ABR: variants seen among roughly 807,000 people sequenced by gnomAD.
The protein encoded by ABR is active breakpoint cluster region-related protein.
Under a neutral mutation model 107.2 loss-of-function variants are expected in ABR, and 35 were observed. That is an observed-to-expected ratio of 0.33 (90% CI 0.25 to 0.43). The LOEUF (loss-of-function observed/expected upper bound fraction) is 0.43. ABR is among the 20% of genes least tolerant of loss of function. ABR has a pLI of 1.00. For synonymous variants in ABR, 498 were observed against 462.0 expected (o/e 1.08, Z -1.00); for missense variants, 815 against 1,115.2 (o/e 0.73, Z 3.83).
At chr17:1,036,655 C>T (rs753032436) in intron 16 of ABR, among the ~76,000 whole-genome samples, 2 of 151,654 alleles carry the variant, frequency 1.3e-5, no homozygotes, top group Non-Finnish European at 1.5e-5. Context: ...CCACACAGGG[C>T]GTGCGAGTTG....
intron 21 of ABR, 104 bp from the exon 22 acceptor site, chr17:1,007,416 A>C: frequency 7.2e-7 from 1 of 1,391,628 alleles, no homozygotes; most frequent in Non-Finnish European, 9.9e-7. Context: ...GACTCCTGGA[A>C]GGGGTCACCT....
Position 1,067,080 on chromosome 17 carries a change from C to T in ABR, c.1179G>A (p.Lys393=), listed in dbSNP as rs1210642097. The T allele has an allele frequency of 2.5e-6, 4 of 1,613,120 alleles. No homozygotes were observed. Among genetic ancestry groups the T allele is most frequent in the Non-Finnish European group, 2.5e-6 (3 of 1,179,596 alleles). ...TCAGATACCAAGCTCTGCTCACCTCCTTCTGGATTTCACTCTTGAGGGCAG... is the reference window on the plus strand; with the variant it reads ...TCAGATACCAAGCTCTGCTCACCTCTTTCTGGATTTCACTCTTGAGGGCAG... ...KISALKSEIQ[K]EKANKGQSRA... is the part of the protein sequence containing the mutation. Residue 393 remains lysine (K), a synonymous_variant, in exon 10 of 23, where the codon AAG becomes AAA. Transcript: ENST00000302538.
chr17:1,012,808 G>A lies in ABR; in HGVS notation c.1852-11C>T, dbSNP rs968739560. 1 of 1,560,584 alleles carries A rather than the reference G, an allele frequency of 6.4e-7. No homozygotes were observed. Among genetic ancestry groups the A allele is most frequent in the South Asian group, 1.2e-5 (1 of 85,344 alleles). On this transcript the variant is annotated splice_polypyrimidine_tract_variant and intron_variant, in intron 17 of 22. Coordinates refer to ENST00000302538, the MANE Select transcript of ABR (RefSeq NM_021962.5). Reference sequence around the variant, plus strand: ...AAATTCCACTTTGATCTGGTTGGGGGGTGAGGCAGGTAAAGATTCCCCAGG... The same window carrying A: ...AAATTCCACTTTGATCTGGTTGGGGAGTGAGGCAGGTAAAGATTCCCCAGG...
chr17:1,087,346 G>A (rs1238973798), intron 4 of ABR, among the ~76,000 whole-genome samples: 1 of 152,130 alleles, frequency 6.6e-6, no homozygotes, highest in Non-Finnish European at 1.5e-5. Context: ...CCGCAGCATC[G>A]GCTGAGCCTG....
At chr17:1,153,192 G>A (rs2040870064) in intron 1 of ABR, among the ~76,000 whole-genome samples, 1 of 152,214 alleles carries the variant, frequency 6.6e-6, no homozygotes, top group Non-Finnish European at 1.5e-5. Flanking sequence ...AGGTGCACTT[G>A]GTCAAATCCC....
chr17:1,091,490 G>A (rs907826767), intron 4 of ABR, among the ~76,000 whole-genome samples, 175 bp downstream of exon 4: 15 of 152,164 alleles, frequency 9.9e-5, no homozygotes, highest in African/African-American at 3.6e-4. Flanking sequence ...TAGAGTCAAG[G>A]CCCCGGCCCC....
rs1414917234 is a variant in ABR at position 1,108,861 on chromosome 17, G to A, written c.247-8126C>T. 4.8e-6 allele frequency: 7 copies of A among 1,472,380 alleles called. No individual in the cohort carries two copies. The African/African-American group carries it at 1.0e-4, about 22-fold the overall frequency. The allele number at this position is 1,472,380 out of a possible 1,614,324, so 91.2% of individuals were successfully genotyped here. A position where few individuals can be genotyped will look rare whatever the true frequency, so the allele number is the denominator to read the frequency against. On this transcript the variant is annotated intron_variant, in intron 2 of 22. Coordinates refer to ENST00000302538, the MANE Select transcript of ABR (RefSeq NM_021962.5). ...GGCCGCGCGCTCTGCGCCCGCATCA[G>A]CCATTTCTCCCGCGCACCTTCGGCA...
chr17:1,109,723 C>T (rs2038543963), intron 2 of ABR, among the ~76,000 whole-genome samples: 1 of 152,106 alleles, frequency 6.6e-6, no homozygotes, highest in African/African-American at 2.4e-5. Flanking sequence ...CCGCGTCCCG[C>T]CGCCGCTGGA....
chr17:1,195,076 G>C (rs552887789), intron 1 of ABR, among the ~76,000 whole-genome samples: 178 of 146,516 alleles, frequency 1.2e-3, no homozygotes, highest in East Asian at 3.4e-3. Flanking sequence ...GGGAGGCCGA[G>C]GCGGGCGGAT....
chr17:1,164,864 C>G (rs1188019159), intron 1 of ABR, among the ~76,000 whole-genome samples: 1 of 152,156 alleles, frequency 6.6e-6, no homozygotes. Flanking sequence ...GACAAGTTCT[C>G]TCTATGTTGC....
chr17:1,217,195 G>A (rs755750293), intron 1 of ABR, among the ~76,000 whole-genome samples: 4 of 152,282 alleles, frequency 2.6e-5, no homozygotes, highest in East Asian at 1.9e-4. Flanking sequence ...GGCTTTCTCC[G>A]TAATAGGACC....
chr17:1,227,335 A>T (rs1466949179), intron 1 of ABR, among the ~76,000 whole-genome samples: 1 of 152,136 alleles, frequency 6.6e-6, no homozygotes, highest in East Asian at 1.9e-4. Context: ...GCCAGCTCTG[A>T]AGCAGCTGGG....
In ABR at chr17:1,193,877, A is replaced by G. The variant is rs375491473; in HGVS notation, c.838+34916T>C. Among the ~76,000 whole-genome samples the G allele has an allele frequency of 3.2e-3, 481 of 150,476 alleles. 2 individuals are homozygous for G. The highest frequency in any genetic ancestry group is 0.011 in the African/African-American group (438 of 40,964). On this transcript the variant is annotated intron_variant, in intron 1 of 22. Coordinates refer to the ABR transcript ENST00000574139. ...AGCTAATTTTTTTTTTGTATTTTTA[A>G]TAGAGACGGGGTTTCACCGTGTTAG...
chr17:1,101,945 G>C (rs34035029), intron 2 of ABR, among the ~76,000 whole-genome samples: 2 of 152,014 alleles, frequency 1.3e-5, no homozygotes, highest in Admixed American at 6.6e-5. Flanking sequence ...GTGTTAGCCA[G>C]GATGGTCTCG....
At chr17:1,116,893 G>A (rs1351378497) in intron 2 of ABR, among the ~76,000 whole-genome samples, 3 of 152,174 alleles carry the variant, frequency 2.0e-5, no homozygotes, top group Non-Finnish European at 4.4e-5. Flanking sequence ...CGGCTGCTGG[G>A]GGGCGGAGGC....
intron 16 of ABR, among the ~76,000 whole-genome samples, chr17:1,029,102 CA>C (rs11477288): frequency 0.69 from 88,004 of 126,798 alleles, 28,429 homozygotes; most frequent in Middle Eastern, 0.74. Flanking sequence ...TGATTTGAGG[CA>C]AAAAAAAAAA....
In ABR at chr17:1,026,358, G is replaced by A. The variant is rs151019609; in HGVS notation, c.1792-13194C>T. 3.5e-3 allele frequency among the ~76,000 whole-genome samples: 534 copies of A among 152,376 alleles called. 23 individuals carry two copies. In the South Asian group the frequency reaches 0.082, roughly 23 times the overall value. ...CGGAGGCCTCCCCGAGCACAGCCACGGCATCCAGGCATCGGATGGGAAGGG... is the reference window on the plus strand; with the variant it reads ...CGGAGGCCTCCCCGAGCACAGCCACAGCATCCAGGCATCGGATGGGAAGGG... On this transcript the variant is annotated intron_variant, in intron 16 of 22. Transcript: ENST00000302538.
upstream of ABR, among the ~76,000 whole-genome samples, chr17:1,182,557 G>T (rs919656356): frequency 6.6e-6 from 1 of 152,070 alleles, no homozygotes; most frequent in Non-Finnish European, 1.5e-5. Context: ...TAGTAGAGAC[G>T]GGGTTTCACC....
chr17:1,143,865 C>T (rs2040418522), intron 1 of ABR, among the ~76,000 whole-genome samples: 1 of 152,120 alleles, frequency 6.6e-6, no homozygotes, highest in Non-Finnish European at 1.5e-5. Flanking sequence ...GTGGCTTCAC[C>T]AGTCTCCAGC....
Sources: gnomAD v4.1 joint callset for allele counts (sites outside exome capture counted in the v4.1 genomes callset) on GRCh38, gnomAD v4.1.1 for gene constraint, MANE v1.5 for transcripts, NCBI Gene and HGNC (gene_info 2026-07-23, HGNC 2026-07-21) for gene names.